The following ITGA9 variants were observed in gnomAD, a reference collection of about 807,000 sequenced individuals.
ITGA9 encodes integrin alpha-9.
A neutral mutation model predicts 127.8 loss-of-function variants in ITGA9; 56 were observed. The observed-to-expected ratio is 0.44, with a 90% CI of 0.35 to 0.55. The LOEUF (loss-of-function observed/expected upper bound fraction) is 0.55, where lower values mean the gene tolerates loss of function less well. Among genes scored for constraint, ITGA9 ranks in the 20% least tolerant of loss-of-function variants. ITGA9 has a pLI of 0.00. For missense variants in ITGA9, 1,196 were observed against 1,347.1 expected, an observed-to-expected ratio of 0.89 and a Z score of 1.76; for synonymous variants, 508 against 514.5, an observed-to-expected ratio of 0.99 and a Z score of 0.17.
chr3:37,537,372 A>G (rs1575142250), intron 14 of ITGA9, among the ~76,000 whole-genome samples: 1 of 152,280 alleles, frequency 6.6e-6, no homozygotes, highest in Middle Eastern at 3.4e-3. Context: ...CCGATGCTCC[A>G]TATTAGCAGA....
At chr3:37,558,045 C>G (rs1054466940) in intron 15 of ITGA9, among the ~76,000 whole-genome samples, 1 of 152,148 alleles carries the variant, frequency 6.6e-6, no homozygotes, top group Non-Finnish European at 1.5e-5. Context: ...TGGATTGGTG[C>G]TAGGTTTCTC....
chr3:37,533,230 A>T, intron 13 of ITGA9, 84 bp from the exon 14 acceptor site: 1 of 1,251,800 alleles, frequency 8.0e-7, no homozygotes, highest in Non-Finnish European at 1.2e-6. Context: ...AAGGCCTAGG[A>T]TTTATCCTGT....
At chr3:37,680,943 C>T (rs1186337045) in intron 17 of ITGA9, among the ~76,000 whole-genome samples, 3 of 152,190 alleles carry the variant, frequency 2.0e-5, no homozygotes, top group South Asian at 2.1e-4. Flanking sequence ...TAATTTTTCA[C>T]ATCTTGTTTG....
At chr3:37,515,731 G>A (rs1370192225) in intron 9 of ITGA9, among the ~76,000 whole-genome samples, 1 of 152,140 alleles carries the variant, frequency 6.6e-6, no homozygotes, top group Non-Finnish European at 1.5e-5. Context: ...GTGAGACCTT[G>A]TCAATCAGTT....
chr3:37,802,326 A>G (rs6550509), intron 26 of ITGA9, among the ~76,000 whole-genome samples: 32,105 of 152,206 alleles, frequency 0.21, 5,253 homozygotes, highest in African/African-American at 0.46. Flanking sequence ...GCATTATAAC[A>G]TCAGTATTGT....
Position 37,748,485 on chromosome 3 carries a change from C to T in ITGA9, c.2434-1977C>T, listed in dbSNP as rs1308291122. The T allele has an allele frequency of 6.2e-5, 34 of 548,050 alleles. No individual in the cohort carries two copies. The East Asian group carries it at 1.0e-3, about 17-fold the overall frequency. 33.9% of individuals were successfully genotyped at this position (548,050 alleles called of 1,614,324 possible). The stretch of plus-strand genomic sequence containing the variant: ...AGGAAGCTGGCGGCACAGTAGCTCA[C>T]GCCTGTAATCCTAACACTTTGGGAG... On this transcript the variant is annotated intron_variant, in intron 22 of 27. Coordinates refer to ENST00000264741, the MANE Select transcript of ITGA9 (RefSeq NM_002207.3).
intron 4 of ITGA9, among the ~76,000 whole-genome samples, chr3:37,483,970 G>A (rs1698582989): frequency 1.3e-5 from 2 of 152,102 alleles, no homozygotes; most frequent in Admixed American, 6.6e-5. Flanking sequence ...TGTTTTTTAG[G>A]GTTTCTAATT....
chr3:37,676,132 G>T (rs1248291903), intron 17 of ITGA9, among the ~76,000 whole-genome samples: 1 of 152,168 alleles, frequency 6.6e-6, no homozygotes, highest in Non-Finnish European at 1.5e-5. Flanking sequence ...TATCATTAAA[G>T]ATTTATCACA....
intron 11 of ITGA9, among the ~76,000 whole-genome samples, chr3:37,522,875 G>T (rs17036555): frequency 0.045 from 6,888 of 152,218 alleles, 437 homozygotes; most frequent in African/African-American, 0.15. Flanking sequence ...TCAGCTGAGT[G>T]CTTTTGATTT....
At chr3:37,503,067 A>T (rs563351549) in intron 5 of ITGA9, 111 bp from the exon 6 acceptor site, 21 of 1,277,816 alleles carry the variant, frequency 1.6e-5, no homozygotes, top group East Asian at 9.3e-5. Flanking sequence ...GGGGAAAAAA[A>T]AGTTCTTGGT....
intron 18 of ITGA9, among the ~76,000 whole-genome samples, chr3:37,727,118 A>T (rs1024921241): frequency 2.0e-5 from 3 of 152,234 alleles, no homozygotes; most frequent in Non-Finnish European, 4.4e-5. Context: ...TACCCTGGTG[A>T]TGATGTGGCT....
chr3:37,665,641 G>T (rs2125653766), intron 17 of ITGA9, among the ~76,000 whole-genome samples: 1 of 152,168 alleles, frequency 6.6e-6, no homozygotes, highest in Non-Finnish European at 1.5e-5. Flanking sequence ...TTTTAGTAGA[G>T]ATGGGGTTTC....
At chr3:37,494,363 C>T in intron 4 of ITGA9, 138 bp from the exon 5 acceptor site, 1 of 713,360 alleles carries the variant, frequency 1.4e-6, no homozygotes. Context: ...CCTTCCTCAC[C>T]CCAGTCTGGA....
Position 37,512,036 on chromosome 3 carries a change from CTT to C in ITGA9, c.898-1725_898-1724del, listed in dbSNP as rs1393306951. Among the ~76,000 whole-genome samples the C allele has an allele frequency of 1.7e-4, 4 of 23,364 alleles. No homozygotes were observed. In the Admixed American group the frequency reaches 1.9e-3, roughly 11 times the overall value. The allele number at this position is 23,364 out of a possible 152,430, so 15.3% of individuals were successfully genotyped here. A position where few individuals can be genotyped will look rare whatever the true frequency, so the allele number is the denominator to read the frequency against. ...TTCTTTTCTTTTCTTTTCTTTCTTT[CTT>C]TCTTTCTTTCTTTCTTTCTTTCTTT... On this transcript the variant is annotated intron_variant, in intron 8 of 27. Transcript: ENST00000264741.
At chr3:37,640,430 G>A (rs1484777317) in intron 16 of ITGA9, among the ~76,000 whole-genome samples, 5 of 152,084 alleles carry the variant, frequency 3.3e-5, no homozygotes, top group Admixed American at 1.3e-4. Context: ...GCAAGGAAAC[G>A]GGGCCTCAGT....
rs75978774 is a variant in ITGA9, at chr3:37,785,142, C to G, written c.2889+64C>G. 1.0e-5 allele frequency: 12 copies of G among 1,144,130 alleles called. No homozygotes were observed. The East Asian group carries it at 2.8e-4, about 27-fold the overall frequency. The allele number at this position is 1,144,130 out of a possible 1,614,324, so 70.9% of individuals were successfully genotyped here. On this transcript the variant is annotated intron_variant, in intron 26 of 27. Coordinates refer to ENST00000264741, the MANE Select transcript of ITGA9 (RefSeq NM_002207.3). ...AAGGGAAGCTGGGTGACTTGGAGAC[C>G]TGGAGCTGGAATTTGAGGGTCAAGA...
intron 26 of ITGA9, among the ~76,000 whole-genome samples, chr3:37,800,949 G>A (rs914753811): frequency 2.0e-5 from 3 of 151,984 alleles, no homozygotes; most frequent in Non-Finnish European, 4.4e-5. Flanking sequence ...CCAGGAGTTC[G>A]AGGCCAGGAG....
At chr3:37,736,195 TA>T (rs1342847091) in intron 19 of ITGA9, among the ~76,000 whole-genome samples, 1 of 151,968 alleles carries the variant, frequency 6.6e-6, no homozygotes, top group Non-Finnish European at 1.5e-5. Flanking sequence ...TACCATCACA[TA>T]GGGGGGTTAG....
intron 15 of ITGA9, among the ~76,000 whole-genome samples, chr3:37,624,009 G>A (rs1327067434): frequency 6.6e-6 from 1 of 151,962 alleles, no homozygotes; most frequent in Non-Finnish European, 1.5e-5. Context: ...GGGATAAAAA[G>A]ATCACATGTT....
Sources: gnomAD v4.1 joint callset for allele counts (sites outside exome capture counted in the v4.1 genomes callset) on GRCh38, gnomAD v4.1.1 for gene constraint, MANE v1.5 for transcripts, NCBI Gene and HGNC (gene_info 2026-07-23, HGNC 2026-07-21) for gene names.